The following SNRPD3 variants were observed in gnomAD, a reference collection of about 807,000 sequenced individuals.
SNRPD3 encodes the protein small nuclear ribonucleoprotein D3 polypeptide.
For synonymous variants in SNRPD3, 66 were observed against 58.4 expected (o/e 1.13, Z -0.59); for missense variants, 73 against 167.5 (o/e 0.44, Z 3.11).
At position 24,573,107 on chromosome 22, in the gene SNRPD3, G is replaced by A. The variant is rs941878675; in HGVS notation, c.*1130G>A. ...TAGTCCTCGCTACTAGGGAGGCTGAGGTGGGAGGATCACTTGAGCCTGGGA... is the reference window on the plus strand; with the variant it reads ...TAGTCCTCGCTACTAGGGAGGCTGAAGTGGGAGGATCACTTGAGCCTGGGA... On this transcript the variant is annotated 3_prime_UTR_variant, in exon 4 of 4. Coordinates refer to ENST00000215829, the MANE Select transcript of SNRPD3 (RefSeq NM_004175.5). 2.0e-5 allele frequency among the ~76,000 whole-genome samples: 3 copies of A among 152,142 alleles called. No individual in the cohort carries two copies. The highest frequency in any genetic ancestry group is 7.2e-5 in the African/African-American group (3 of 41,428).
In SNRPD3 at chr22:24,557,638, G is replaced by C; in HGVS notation, c.-18-19G>C. 6.3e-7 allele frequency: 1 copy of C among 1,596,876 alleles called. No individual in the cohort carries two copies. The highest frequency in any genetic ancestry group is 2.3e-5 in the East Asian group (1 of 44,336). On this transcript the variant is annotated intron_variant, in intron 1 of 3. Transcript: ENST00000215829. ...TCAGACTCTGAAAGATGAACTGACT[G>C]TTGTCTCTCTCATTGTAGAACTCTC... is the stretch of plus-strand genomic sequence containing the variant.
At chr22:24,559,235 A>G (rs541087059) in intron 2 of SNRPD3, among the ~76,000 whole-genome samples, 2 of 152,278 alleles carry the variant, frequency 1.3e-5, no homozygotes, top group South Asian at 4.1e-4. Context: ...GAGGTTGACA[A>G]GCTTGGTCAG....
intron 2 of SNRPD3, among the ~76,000 whole-genome samples, chr22:24,566,182 CT>C (rs1252953762): frequency 6.6e-5 from 10 of 152,138 alleles, no homozygotes; most frequent in Non-Finnish European, 1.2e-4. Context: ...CCTGTTGCCC[CT>C]GAAGGTAGAA....
intron 3 of SNRPD3, among the ~76,000 whole-genome samples, chr22:24,569,654 C>T (rs550327356): frequency 6.6e-6 from 1 of 152,178 alleles, no homozygotes; most frequent in Admixed American, 6.5e-5. Flanking sequence ...CTGCACCCCC[C>T]ACTATTATTC....
Position 24,574,812 on chromosome 22 carries a change from G to T in SNRPD3, c.*2835G>T, listed in dbSNP as rs906047184. On this transcript the variant is annotated 3_prime_UTR_variant, in exon 4 of 4. Transcript: ENST00000215829. ...CCGCCTCGGCCTGCTGGGATTATAG[G>T]TGTGAGCCACTGCACCCGGCCACCA... 1.3e-5 allele frequency among the ~76,000 whole-genome samples: 2 copies of T among 152,128 alleles called. No individual in the cohort carries two copies. Among genetic ancestry groups the T allele is most frequent in the African/African-American group, 2.4e-5 (1 of 41,410 alleles).
At chr22:24,559,277 G>A (rs961963396) in intron 2 of SNRPD3, among the ~76,000 whole-genome samples, 1 of 152,168 alleles carries the variant, frequency 6.6e-6, no homozygotes, top group African/African-American at 2.4e-5. Context: ...GACCTCTGGT[G>A]ACTCAGGTTT....
At chr22:24,562,793 T>C (rs1420907133) in intron 2 of SNRPD3, among the ~76,000 whole-genome samples, 1 of 152,194 alleles carries the variant, frequency 6.6e-6, no homozygotes, top group Non-Finnish European at 1.5e-5. Context: ...GAATGTAAAA[T>C]GAAGCCAAGC....
rs374414649 is a variant in SNRPD3 at position 24,556,643 on chromosome 22, C to T, written c.-19+572C>T. Among the ~76,000 whole-genome samples the T allele has an allele frequency of 1.1e-4, 17 of 152,338 alleles. No homozygotes were observed. In the East Asian group the frequency reaches 1.2e-3, roughly 10 times the overall value. Reference sequence around the variant, plus strand: ...TTAACAAGTTTCTCTGCTTCTAAACCTTACGTTCTATCCATTTTGTAAATA... The same window carrying T: ...TTAACAAGTTTCTCTGCTTCTAAACTTTACGTTCTATCCATTTTGTAAATA... On this transcript the variant is annotated intron_variant, in intron 1 of 3. Coordinates refer to ENST00000215829, the MANE Select transcript of SNRPD3 (RefSeq NM_004175.5).
At chr22:24,564,380 T>C (rs944494749) in intron 2 of SNRPD3, among the ~76,000 whole-genome samples, 1 of 152,222 alleles carries the variant, frequency 6.6e-6, no homozygotes, top group Non-Finnish European at 1.5e-5. Flanking sequence ...CATATGTGTT[T>C]CATTGTGGCT....
At chr22:24,569,126 T>G (rs2045225710) in intron 3 of SNRPD3, among the ~76,000 whole-genome samples, 1 of 152,168 alleles carries the variant, frequency 6.6e-6, no homozygotes, top group Non-Finnish European at 1.5e-5. Context: ...GGGCAGCATT[T>G]CCTAGCGAGA....
intron 2 of SNRPD3, among the ~76,000 whole-genome samples, chr22:24,563,504 A>AG: frequency 6.6e-6 from 1 of 152,198 alleles, no homozygotes; most frequent in South Asian, 2.1e-4. Context: ...CATCAGCTGC[A>AG]GGATATGGCA....
chr22:24,555,907 G>A (rs918460482), upstream of SNRPD3: 1 of 1,407,660 alleles, frequency 7.1e-7, no homozygotes, highest in African/African-American at 1.4e-5. Context: ...GGAAGCGGAG[G>A]CGAGACCGCG....
At chr22:24,564,912 CTT>C (rs907507845) in intron 2 of SNRPD3, among the ~76,000 whole-genome samples, 2 of 128,748 alleles carry the variant, frequency 1.6e-5, no homozygotes, top group African/African-American at 5.9e-5. Flanking sequence ...TTGACAGGGT[CTT>C]ACTCTGTTGC....
intron 2 of SNRPD3, 127 bp downstream of exon 2, chr22:24,557,927 A>T (rs1445573004): frequency 1.1e-6 from 1 of 877,420 alleles, no homozygotes; most frequent in African/African-American, 1.7e-5. Context: ...TGCCTAATGC[A>T]TACCAGTCAG....
In SNRPD3 at chr22:24,573,009, C is replaced by T. The variant is rs969464241; in HGVS notation, c.*1032C>T. ...TTGTTTGAGAGGAGTTCAAAACCAGCCCGCGAGACATAGTGAGACCCTGTC... is the reference window on the plus strand; with the variant it reads ...TTGTTTGAGAGGAGTTCAAAACCAGTCCGCGAGACATAGTGAGACCCTGTC... On this transcript the variant is annotated 3_prime_UTR_variant, in exon 4 of 4. Transcript: ENST00000215829. 6.6e-6 allele frequency among the ~76,000 whole-genome samples: 1 copy of T among 152,070 alleles called. No individual in the cohort carries two copies. The highest frequency in any genetic ancestry group is 1.5e-5 in the Non-Finnish European group (1 of 68,012).
chr22:24,555,708 C>T, upstream of SNRPD3: 1 of 1,550,700 alleles, frequency 6.4e-7, no homozygotes, highest in Non-Finnish European at 8.7e-7. Context: ...GCCCAAGCCC[C>T]GCGTCTCCGC....
rs1189807967 is a variant in SNRPD3, at chr22:24,573,747, A to T, written c.*1770A>T. Among the ~76,000 whole-genome samples the T allele has an allele frequency of 1.3e-5, 2 of 152,190 alleles. No homozygotes were observed. The highest frequency in any genetic ancestry group is 4.8e-5 in the African/African-American group (2 of 41,438). On this transcript the variant is annotated 3_prime_UTR_variant, in exon 4 of 4. Coordinates refer to ENST00000215829, the MANE Select transcript of SNRPD3 (RefSeq NM_004175.5). ...AAAAAATTGAAAAGTAGCTGGGCAC[A>T]GCTGATGCCTGCAGTCCCAGCTATC...
chr22:24,563,206 ATG>A (rs1177387267), intron 2 of SNRPD3, among the ~76,000 whole-genome samples: 2,681 of 106,112 alleles, frequency 0.025, 89 homozygotes, highest in African/African-American at 0.071. Context: ...TGTCTCATAT[ATG>A]TGTGTGTGTG....
chr22:24,572,115 A>G lies in SNRPD3; in HGVS notation c.*138A>G. ...CAGGGGAAATGTTTAAGCTAAATAA[A>G]TCTGGGGGGTTTTTTGTTCTGTTTT... On this transcript the variant is annotated 3_prime_UTR_variant, in exon 4 of 4. Transcript: ENST00000215829. 6.8e-7 allele frequency: 1 copy of G among 1,470,584 alleles called. No homozygotes were observed. Among genetic ancestry groups the G allele is most frequent in the Non-Finnish European group, 9.3e-7 (1 of 1,075,380 alleles). 91.1% of individuals were successfully genotyped at this position (1,470,584 alleles called of 1,614,324 possible).
Sources: allele counts gnomAD v4.1 joint callset (sites outside exome capture counted in the v4.1 genomes callset), GRCh38; gene constraint gnomAD v4.1.1; transcripts MANE v1.5; gene names NCBI Gene and HGNC (gene_info 2026-07-23, HGNC 2026-07-21).